PLCB1: variants seen among roughly 807,000 people sequenced by gnomAD.
The protein encoded by PLCB1 is 1-phosphatidylinositol 4,5-bisphosphate phosphodiesterase beta-1.
In PLCB1, 46 loss-of-function variants were observed where a neutral mutation model predicts 161.8. The ratio of observed to expected loss-of-function variants is 0.28; its 90% confidence interval spans 0.22 to 0.36. The LOEUF (loss-of-function observed/expected upper bound fraction) is 0.36. Among genes scored for constraint, PLCB1 ranks in the 10% least tolerant of loss-of-function variants. PLCB1 has a pLI of 1.00. For synonymous variants in PLCB1, 517 were observed against 503.7 expected (o/e 1.03, Z -0.35); for missense variants, 1,016 against 1,472.5 (o/e 0.69, Z 5.07).
At chr20:8,793,119 A>C (rs1030533798) in intron 31 of PLCB1, among the ~76,000 whole-genome samples, 1 of 152,220 alleles carries the variant, frequency 6.6e-6, no homozygotes, top group Admixed American at 6.5e-5. Context: ...AACAAGGAAC[A>C]ACCCAAGGAA....
chr20:8,577,855 A>G (rs1986724165), intron 3 of PLCB1, among the ~76,000 whole-genome samples: 1 of 152,136 alleles, frequency 6.6e-6, no homozygotes, highest in African/African-American at 2.4e-5. Flanking sequence ...TGCTTCCCAT[A>G]TTAGGTTTTC....
intron 26 of PLCB1, among the ~76,000 whole-genome samples, chr20:8,770,130 T>C (rs1052379556): frequency 6.6e-6 from 1 of 152,092 alleles, no homozygotes; most frequent in Non-Finnish European, 1.5e-5. Context: ...TTTTTTGTAT[T>C]TTTAGTAGAG....
intron 2 of PLCB1, among the ~76,000 whole-genome samples, chr20:8,188,449 G>A (rs1283757296): frequency 6.6e-6 from 1 of 152,062 alleles, no homozygotes; most frequent in African/African-American, 2.4e-5. Context: ...AAAAAATTGG[G>A]GTTGGTTACG....
At chr20:8,698,509 G>A (rs8125703) in intron 11 of PLCB1, among the ~76,000 whole-genome samples, 11,509 of 152,180 alleles carry the variant, frequency 0.076, 524 homozygotes, top group African/African-American at 0.12. Flanking sequence ...TAATTATTAT[G>A]TAAGATTCCA....
chr20:8,191,679 A>G (rs968644027), intron 2 of PLCB1, among the ~76,000 whole-genome samples: 8 of 152,034 alleles, frequency 5.3e-5, no homozygotes, highest in African/African-American at 1.9e-4. Flanking sequence ...ACAGATTAGT[A>G]TGCTCTGTAA....
chr20:8,149,874 C>G (rs28583959), intron 1 of PLCB1, among the ~76,000 whole-genome samples: 1 of 151,970 alleles, frequency 6.6e-6, no homozygotes, highest in Non-Finnish European at 1.5e-5. Flanking sequence ...TGCTCAAATA[C>G]TATGTTTTAC....
intron 3 of PLCB1, among the ~76,000 whole-genome samples, chr20:8,487,963 C>G (rs1049156631): frequency 2.6e-5 from 4 of 152,072 alleles, no homozygotes; most frequent in African/African-American, 9.7e-5. Flanking sequence ...TCCCTTGCCT[C>G]TAGGTGGGAT....
intron 31 of PLCB1, among the ~76,000 whole-genome samples, chr20:8,821,338 A>T (rs1176682279): frequency 6.6e-6 from 1 of 150,618 alleles, no homozygotes; most frequent in African/African-American, 2.4e-5. Context: ...AATTAGCCAG[A>T]CATGGTGGCC....
At chr20:8,314,120 T>A (rs181767568) in intron 2 of PLCB1, among the ~76,000 whole-genome samples, 1 of 152,284 alleles carries the variant, frequency 6.6e-6, no homozygotes, top group Admixed American at 6.5e-5. Context: ...TTCCTCTACA[T>A]CTGAGATGGC....
At chr20:8,864,215 C>A (rs1327031700) in intron 31 of PLCB1, among the ~76,000 whole-genome samples, 3 of 152,114 alleles carry the variant, frequency 2.0e-5, no homozygotes, top group African/African-American at 7.2e-5. Flanking sequence ...GTCGCCTGGA[C>A]AAATGTGCAA....
At chr20:8,504,894 G>A (rs1408390127) in intron 3 of PLCB1, among the ~76,000 whole-genome samples, 1 of 152,148 alleles carries the variant, frequency 6.6e-6, no homozygotes, top group African/African-American at 2.4e-5. Context: ...TAGAGACAAG[G>A]TCTTACTTTG....
intron 25 of PLCB1, among the ~76,000 whole-genome samples, chr20:8,761,746 G>C (rs1453088496): frequency 6.7e-6 from 1 of 149,826 alleles, no homozygotes; most frequent in African/African-American, 2.4e-5. Context: ...TCGAACTCCT[G>C]ACCTCAGGTG....
intron 19 of PLCB1, among the ~76,000 whole-genome samples, chr20:8,735,479 C>A (rs1486637559): frequency 6.6e-6 from 1 of 152,168 alleles, no homozygotes; most frequent in Non-Finnish European, 1.5e-5. Flanking sequence ...TAGCTAGAGC[C>A]AAGATACAGA....
At chr20:8,761,976 A>AGGGGC (rs1982058169) in intron 25 of PLCB1, among the ~76,000 whole-genome samples, 2 of 146,372 alleles carry the variant, frequency 1.4e-5, no homozygotes, top group South Asian at 4.7e-4. Context: ...GGGGAGGCCA[A>AGGGGC]GGGGGGGGCG....
chr20:8,823,856 A>G (rs1379789116), intron 31 of PLCB1, among the ~76,000 whole-genome samples: 1 of 151,894 alleles, frequency 6.6e-6, no homozygotes, highest in African/African-American at 2.4e-5. Context: ...CATTCTAAAT[A>G]CCCTGGGACA....
At chr20:8,829,536 C>A (rs1985882097) in intron 31 of PLCB1, among the ~76,000 whole-genome samples, 1 of 152,174 alleles carries the variant, frequency 6.6e-6, no homozygotes, top group South Asian at 2.1e-4. Context: ...GAGATGCTTT[C>A]TGGAGTGTTT....
chr20:8,268,156 C>T (rs538726086), intron 2 of PLCB1, among the ~76,000 whole-genome samples: 2 of 152,066 alleles, frequency 1.3e-5, no homozygotes, highest in South Asian at 2.1e-4. Flanking sequence ...GTGATGTTCC[C>T]CACCCTGTGT....
chr20:8,477,652 A>G (rs2122734384), intron 3 of PLCB1, among the ~76,000 whole-genome samples: 1 of 152,336 alleles, frequency 6.6e-6, no homozygotes, highest in Non-Finnish European at 1.5e-5. Flanking sequence ...CACTCATGGC[A>G]GAAGGCGAAT....
intron 31 of PLCB1, among the ~76,000 whole-genome samples, chr20:8,835,951 T>A (rs936735997): frequency 6.6e-6 from 1 of 152,090 alleles, no homozygotes; most frequent in Non-Finnish European, 1.5e-5. Context: ...TTGGGCTTCA[T>A]TGATCCCAGC....
Sources: gnomAD v4.1 joint callset for allele counts (sites outside exome capture counted in the v4.1 genomes callset) on GRCh38, gnomAD v4.1.1 for gene constraint, MANE v1.5 for transcripts, NCBI Gene and HGNC (gene_info 2026-07-23, HGNC 2026-07-21) for gene names.